Variants in DIAPH3 observed in about 807,000 individuals in gnomAD.
DIAPH3 encodes diaphanous related formin 3.
A neutral mutation model predicts 144.3 loss-of-function variants in DIAPH3; 117 were observed. That is an observed-to-expected ratio of 0.81 (90% CI 0.70 to 0.95). The LOEUF (loss-of-function observed/expected upper bound fraction) is 0.95, where lower values mean the gene tolerates loss of function less well. Ranked by LOEUF, DIAPH3 falls within the 40% of genes least tolerant of loss-of-function variation. The pLI, the probability that DIAPH3 is intolerant of heterozygous loss-of-function variation, is 0.00. For synonymous variants in DIAPH3, 519 were observed against 488.9 expected (o/e 1.06, Z -0.81); for missense variants, 1,421 against 1,412.7 (o/e 1.01, Z -0.09).
chr13:59,715,004 C>T (rs1053222264), intron 27 of DIAPH3, among the ~76,000 whole-genome samples: 5 of 152,128 alleles, frequency 3.3e-5, no homozygotes, highest in Admixed American at 6.5e-5. Context: ...GCAGTACTGA[C>T]GTAGTTTTTC....
At chr13:59,795,785 A>G (rs1283053649) in intron 25 of DIAPH3, among the ~76,000 whole-genome samples, 1 of 152,116 alleles carries the variant, frequency 6.6e-6, no homozygotes, top group Non-Finnish European at 1.5e-5. Context: ...GTGGCTTGCT[A>G]TGGTTTCACA....
intron 27 of DIAPH3, among the ~76,000 whole-genome samples, chr13:59,770,496 T>C (rs961695160): frequency 6.6e-6 from 1 of 152,122 alleles, no homozygotes; most frequent in African/African-American, 2.4e-5. Flanking sequence ...TATTATAAAA[T>C]GGGAAGACTA....
At chr13:59,817,003 A>G (rs1002096810) in intron 24 of DIAPH3, among the ~76,000 whole-genome samples, 9 of 151,954 alleles carry the variant, frequency 5.9e-5, no homozygotes, top group African/African-American at 2.2e-4. Flanking sequence ...ATGTGTTTTT[A>G]GAATTTTCAA....
chr13:60,001,271 C>A (rs1477437066), intron 9 of DIAPH3, among the ~76,000 whole-genome samples: 1 of 152,120 alleles, frequency 6.6e-6, no homozygotes, highest in African/African-American at 2.4e-5. Flanking sequence ...ATTTGATTAC[C>A]ATTACCTACA....
Position 59,902,897 on chromosome 13 carries a change from T to C in DIAPH3, c.2367+8838A>G, listed in dbSNP as rs781182416. Among the ~76,000 whole-genome samples the C allele has an allele frequency of 5.2e-4, 79 of 152,238 alleles. 1 individual carries two copies. The highest frequency in any genetic ancestry group is 5.7e-4 in the Non-Finnish European group (39 of 68,038). ...AGTTATGAAATAATAGTTTATTATTTCAAACCAATGTTCTCACTGTGTAAT... is the reference window on the plus strand; with the variant it reads ...AGTTATGAAATAATAGTTTATTATTCCAAACCAATGTTCTCACTGTGTAAT... On this transcript the variant is annotated intron_variant, in intron 20 of 27. Coordinates refer to ENST00000400324, the MANE Select transcript of DIAPH3 (RefSeq NM_001042517.2).
intron 17 of DIAPH3, among the ~76,000 whole-genome samples, chr13:59,926,105 C>T (rs1034622976): frequency 2.0e-5 from 3 of 152,118 alleles, no homozygotes; most frequent in Admixed American, 6.5e-5. Context: ...CCCACCTCAG[C>T]CTCCCGTGTA....
chr13:60,137,050 ATCCTTCTTCCTCTGGTCC>A (rs2059303370), intron 1 of DIAPH3, among the ~76,000 whole-genome samples: 1 of 152,194 alleles, frequency 6.6e-6, no homozygotes, highest in Non-Finnish European at 1.5e-5. Flanking sequence ...CTAAAAACTC[ATCCTTCTTCCTCTGGTCC>A]TATGTTTCTC....
chr13:59,672,963 A>C (rs184314710), intron 27 of DIAPH3, among the ~76,000 whole-genome samples: 2 of 152,360 alleles, frequency 1.3e-5, no homozygotes, highest in East Asian at 1.9e-4. Context: ...TTATTTGCAG[A>C]AACTATTATA....
chr13:59,916,207 CTG>C lies in DIAPH3; in HGVS notation c.2211_2212del (p.Ile737MetfsTer9), dbSNP rs757757074. On this transcript the variant is annotated frameshift_variant, in exon 19 of 28. Coordinates refer to ENST00000400324, the MANE Select transcript of DIAPH3 (RefSeq NM_001042517.2). LOFTEE classifies it high-confidence loss of function. ...TTCATCTACTTCCAATATCATCATT[CTG>C]ATTTCCTCATATGGCACCCGAAAAG... is the stretch of plus-strand genomic sequence containing the variant. The C allele has an allele frequency of 9.9e-6, 16 of 1,613,142 alleles. No homozygotes were observed. In the Admixed American group the frequency reaches 2.5e-4, roughly 25 times the overall value.
chr13:59,910,936 C>A (rs1414620486), intron 20 of DIAPH3, among the ~76,000 whole-genome samples: 6 of 150,792 alleles, frequency 4.0e-5, no homozygotes, highest in African/African-American at 1.2e-4. Context: ...GAGGTGCAGG[C>A]ACAGCTATTA....
intron 1 of DIAPH3, chr13:60,144,738 A>G (rs923829777): frequency 1.7e-4 from 26 of 152,290 alleles, no homozygotes; most frequent in African/African-American, 6.3e-4. Flanking sequence ...CAGAGAATCA[A>G]CAGTGGAGCT....
chr13:59,679,889 T>C (rs547271137), intron 27 of DIAPH3, among the ~76,000 whole-genome samples: 175 of 152,158 alleles, frequency 1.2e-3, no homozygotes, highest in African/African-American at 4.1e-3. Context: ...CAAAGAAAAA[T>C]ATGTTACTAT....
chr13:60,035,050 T>C (rs1302609096), intron 5 of DIAPH3, among the ~76,000 whole-genome samples: 1 of 152,050 alleles, frequency 6.6e-6, no homozygotes, highest in African/African-American at 2.4e-5. Context: ...ATATATACCA[T>C]ATATATGTAT....
intron 27 of DIAPH3, among the ~76,000 whole-genome samples, chr13:59,678,584 A>G (rs1192868040): frequency 6.6e-6 from 1 of 152,206 alleles, no homozygotes; most frequent in East Asian, 1.9e-4. Flanking sequence ...AAAAAAATCC[A>G]GCAAACACCG....
chr13:59,893,877 A>C (rs1297371893), intron 20 of DIAPH3, among the ~76,000 whole-genome samples: 1 of 152,196 alleles, frequency 6.6e-6, no homozygotes, highest in Non-Finnish European at 1.5e-5. Flanking sequence ...ATTAATGACA[A>C]AAGTGTTTCT....
At chr13:59,936,939 G>A (rs1169865899) in intron 17 of DIAPH3, among the ~76,000 whole-genome samples, 3 of 152,028 alleles carry the variant, frequency 2.0e-5, no homozygotes, top group Non-Finnish European at 2.9e-5. Context: ...TGAGGTGGGC[G>A]GATCATGAGG....
intron 20 of DIAPH3, among the ~76,000 whole-genome samples, chr13:59,893,118 T>G (rs1013474826): frequency 3.3e-5 from 5 of 152,060 alleles, no homozygotes; most frequent in African/African-American, 1.2e-4. Flanking sequence ...AAATAACAAA[T>G]GGCAAATACA....
chr13:60,004,068 T>G lies in DIAPH3; in HGVS notation c.1014+4476A>C, dbSNP rs567949729. On this transcript the variant is annotated intron_variant, in intron 9 of 27. Coordinates refer to ENST00000400324, the MANE Select transcript of DIAPH3 (RefSeq NM_001042517.2). Reference sequence around the variant, plus strand: ...CTTATTCTCCTTTAAAAAAAATACTTTGTCATAAATATACTTTGCAGTAAA... The same window carrying G: ...CTTATTCTCCTTTAAAAAAAATACTGTGTCATAAATATACTTTGCAGTAAA... Among the ~76,000 whole-genome samples, 8 of 152,280 alleles carry G rather than the reference T, an allele frequency of 5.3e-5. No individual in the cohort carries two copies. The East Asian group carries it at 1.5e-3, about 29-fold the overall frequency.
intron 4 of DIAPH3, among the ~76,000 whole-genome samples, chr13:60,087,311 T>A (rs1175314529): frequency 6.6e-6 from 1 of 152,172 alleles, no homozygotes; most frequent in African/African-American, 2.4e-5. Context: ...AGAAGAGTAA[T>A]ACTGCAGAAT....
Sources: allele counts gnomAD v4.1 joint callset (sites outside exome capture counted in the v4.1 genomes callset), GRCh38; gene constraint gnomAD v4.1.1; transcripts MANE v1.5; gene names NCBI Gene and HGNC (gene_info 2026-07-23, HGNC 2026-07-21).